The following MCTP1 variants were observed in gnomAD, a reference collection of about 807,000 sequenced individuals.
MCTP1 encodes the protein multiple C2 and transmembrane domain-containing protein 1.
A neutral mutation model predicts 120.6 loss-of-function variants in MCTP1; 69 were observed. The observed-to-expected ratio is 0.57, with a 90% CI of 0.47 to 0.70. MCTP1 has a LOEUF of 0.70. Ranked by LOEUF, MCTP1 falls within the 30% of genes least tolerant of loss-of-function variation. The pLI, the probability that MCTP1 is intolerant of heterozygous loss-of-function variation, is 0.00. For missense variants in MCTP1, 1,203 were observed against 1,248.8 expected (o/e 0.96, Z 0.55); for synonymous variants, 529 against 493.1 (o/e 1.07, Z -0.96).
At chr5:94,808,187 C>T (rs1163443261) in intron 17 of MCTP1, among the ~76,000 whole-genome samples, 2 of 152,148 alleles carry the variant, frequency 1.3e-5, no homozygotes, top group Admixed American at 1.3e-4. Flanking sequence ...ATTTAAATAG[C>T]CAGATGGCAC....
rs575117720 is a variant in MCTP1, at chr5:94,816,200, G to A, written c.2437-17068C>T. On this transcript the variant is annotated intron_variant, in intron 17 of 22. Transcript: ENST00000515393. ...AAATATGTTTGCCAAGTGTATACAT[G>A]GATATAACATCTTTGTGTATATGGA... Among the ~76,000 whole-genome samples, 77 of 150,022 alleles carry A rather than the reference G, an allele frequency of 5.1e-4. No individual in the cohort carries two copies. The Middle Eastern group carries it at 0.01, about 20-fold the overall frequency.
intron 1 of MCTP1, among the ~76,000 whole-genome samples, chr5:95,151,180 T>G (rs1045242948): frequency 2.0e-5 from 3 of 148,818 alleles, no homozygotes; most frequent in Non-Finnish European, 4.5e-5. Context: ...GATGAGGTTT[T>G]GCCATGTTGC....
intron 2 of MCTP1, among the ~76,000 whole-genome samples, chr5:94,954,874 G>A (rs1822155778): frequency 6.6e-6 from 1 of 152,120 alleles, no homozygotes. Context: ...GGAGAAAGGG[G>A]AACACATGTT....
At chr5:95,111,172 T>C (rs1368571728) in intron 1 of MCTP1, among the ~76,000 whole-genome samples, 2 of 152,194 alleles carry the variant, frequency 1.3e-5, no homozygotes, top group Admixed American at 1.3e-4. Context: ...GTTATAAATC[T>C]CCCATGACTA....
intron 1 of MCTP1, among the ~76,000 whole-genome samples, chr5:95,212,339 A>T (rs973897857): frequency 2.0e-5 from 3 of 152,180 alleles, no homozygotes; most frequent in Non-Finnish European, 4.4e-5. Flanking sequence ...TGAATAGACC[A>T]ATAACAGGAT....
intron 17 of MCTP1, among the ~76,000 whole-genome samples, chr5:94,824,522 T>C (rs1786501504): frequency 6.6e-6 from 1 of 152,130 alleles, no homozygotes; most frequent in South Asian, 2.1e-4. Flanking sequence ...CTCTGCCAGG[T>C]TTTGGTATCA....
chr5:95,017,531 C>A (rs776618510), intron 1 of MCTP1, 47 bp from the exon 2 acceptor site: 2 of 1,138,760 alleles, frequency 1.8e-6, no homozygotes, highest in Non-Finnish European at 2.4e-6. Context: ...TATCTCTGTT[C>A]TATTTTCTCT....
intron 1 of MCTP1, among the ~76,000 whole-genome samples, chr5:95,080,903 A>C (rs1754776677): frequency 6.6e-6 from 1 of 152,228 alleles, no homozygotes; most frequent in African/African-American, 2.4e-5. Flanking sequence ...TCTTTCACTT[A>C]AATAGAAAGC....
chr5:94,820,074 G>C (rs538498981), intron 17 of MCTP1, among the ~76,000 whole-genome samples: 24 of 152,284 alleles, frequency 1.6e-4, no homozygotes, highest in Admixed American at 1.2e-3. Flanking sequence ...CTTGTACCTT[G>C]ATGACTTGTC....
chr5:95,189,735 G>A (rs377157844), intron 1 of MCTP1, among the ~76,000 whole-genome samples: 7 of 152,164 alleles, frequency 4.6e-5, no homozygotes, highest in East Asian at 1.9e-4. Flanking sequence ...CTATATTTCC[G>A]TGAGATACTG....
At chr5:95,269,804 C>T (rs983938540) in intron 1 of MCTP1, among the ~76,000 whole-genome samples, 1 of 152,212 alleles carries the variant, frequency 6.6e-6, no homozygotes, top group Non-Finnish European at 1.5e-5. Context: ...CGAAAAGTTA[C>T]TTAGCCTCTC....
At chr5:95,223,364 A>ACCTT (rs1304725941) in intron 1 of MCTP1, among the ~76,000 whole-genome samples, 1 of 152,074 alleles carries the variant, frequency 6.6e-6, no homozygotes, top group African/African-American at 2.4e-5. Flanking sequence ...AGTAGGGAGA[A>ACCTT]TCACCTGAAC....
intron 2 of MCTP1, among the ~76,000 whole-genome samples, chr5:95,002,468 C>T (rs1262123933): frequency 6.6e-6 from 1 of 152,208 alleles, no homozygotes; most frequent in Non-Finnish European, 1.5e-5. Flanking sequence ...AGGGCCAGAG[C>T]TGCCCAAGGC....
At chr5:95,212,066 A>G (rs568279531) in intron 1 of MCTP1, among the ~76,000 whole-genome samples, 1 of 152,198 alleles carries the variant, frequency 6.6e-6, no homozygotes, top group Non-Finnish European at 1.5e-5. Flanking sequence ...CAAAAAATTA[A>G]TGAATCCAGG....
intron 1 of MCTP1, among the ~76,000 whole-genome samples, chr5:95,236,868 C>T (rs144379720): frequency 6.6e-5 from 10 of 152,268 alleles, no homozygotes; most frequent in African/African-American, 2.2e-4. Flanking sequence ...AGAGTGCCTC[C>T]GTCCTTGAAG....
At chr5:94,923,104 C>T (rs577658423) in intron 7 of MCTP1, among the ~76,000 whole-genome samples, 17 of 151,550 alleles carry the variant, frequency 1.1e-4, no homozygotes, top group Admixed American at 4.6e-4. Flanking sequence ...AATCTGGTAC[C>T]TGCCTTTCTA....
chr5:94,776,827 ACT>A (rs1775453379), intron 19 of MCTP1, among the ~76,000 whole-genome samples: 1 of 152,188 alleles, frequency 6.6e-6, no homozygotes, highest in Non-Finnish European at 1.5e-5. Flanking sequence ...ACTCAGACAC[ACT>A]GATAGCCAAG....
chr5:94,971,339 C>A (rs1358958436), intron 2 of MCTP1, among the ~76,000 whole-genome samples: 1 of 151,440 alleles, frequency 6.6e-6, no homozygotes, highest in South Asian at 2.1e-4. Flanking sequence ...AATTTTTATC[C>A]CTTTTAGGTA....
intron 2 of MCTP1, among the ~76,000 whole-genome samples, chr5:94,965,897 C>G (rs1476351495): frequency 6.6e-6 from 1 of 152,108 alleles, no homozygotes; most frequent in Non-Finnish European, 1.5e-5. Context: ...TCCAGAGGAC[C>G]CAGCAACAAG....
Sources: gnomAD v4.1 joint callset for allele counts (sites outside exome capture counted in the v4.1 genomes callset) on GRCh38, gnomAD v4.1.1 for gene constraint, MANE v1.5 for transcripts, NCBI Gene and HGNC (gene_info 2026-07-23, HGNC 2026-07-21) for gene names.